The following SPTLC1 variants were observed in gnomAD, a reference collection of about 807,000 sequenced individuals.
SPTLC1 encodes the protein serine palmitoyltransferase 1.
In SPTLC1, 55 loss-of-function variants were observed where a neutral mutation model predicts 68.9. That is an observed-to-expected ratio of 0.80 (90% CI 0.64 to 1.00). The LOEUF (loss-of-function observed/expected upper bound fraction) is 1.00. Ranked by LOEUF, SPTLC1 falls within the 50% of genes least tolerant of loss-of-function variation. The pLI is 0.00. For synonymous variants in SPTLC1, 197 were observed against 201.6 expected, an observed-to-expected ratio of 0.98 and a Z score of 0.19; for missense variants, 449 against 573.1, an observed-to-expected ratio of 0.78 and a Z score of 2.21.
intron 3 of SPTLC1, among the ~76,000 whole-genome samples, chr9:92,102,162 A>G (rs1250054875): frequency 1.3e-5 from 2 of 152,242 alleles, no homozygotes; most frequent in African/African-American, 4.8e-5. Flanking sequence ...ATCAGTCAGC[A>G]AAGAGTACTG....
At chr9:92,071,086 T>TA (rs796078125) in intron 5 of SPTLC1, among the ~76,000 whole-genome samples, 250 of 143,298 alleles carry the variant, frequency 1.7e-3, no homozygotes, top group Middle Eastern at 3.5e-3. Flanking sequence ...ATACTGTCCT[T>TA]AAAAAAAAAA....
At chr9:92,052,371 C>A (rs1833728336) in intron 8 of SPTLC1, among the ~76,000 whole-genome samples, 1 of 152,088 alleles carries the variant, frequency 6.6e-6, no homozygotes, top group Admixed American at 6.5e-5. Context: ...AACTGGATAA[C>A]CACTTGTGAA....
chr9:92,047,205 T>A lies in SPTLC1; in HGVS notation c.1048A>T (p.Ile350Phe), dbSNP rs1259881836. ...TCTTCCATGATGTTGAGGGCCTCAA[T>A]TGCTGCAGCAGCTAACAGGGGAGGT... is the stretch of plus-strand genomic sequence containing the variant. Reference protein sequence around the residue: ...SLPPLLAAAAIEALNIMEENP... With the variant: ...SLPPLLAAAAFEALNIMEENP... Residue 350 changes from isoleucine (I) to phenylalanine (F), a missense_variant, in exon 11 of 15, where the codon ATT (isoleucine) becomes TTT (phenylalanine). Ile to Phe is a conservative substitution (Grantham distance 21, BLOSUM62 0). Transcript: ENST00000262554. 6.2e-7 allele frequency: 1 copy of A among 1,614,006 alleles called. No individual in the cohort carries two copies. Among genetic ancestry groups the A allele is most frequent in the Non-Finnish European group, 8.5e-7 (1 of 1,179,980 alleles).
At chr9:92,032,673 G>A (rs866288478) in intron 14 of SPTLC1, 115 bp from the exon 15 acceptor site, 45 of 1,352,560 alleles carry the variant, frequency 3.3e-5, no homozygotes, top group Middle Eastern at 2.4e-4. Context: ...TCAGGAGATC[G>A]AGACCATCCT....
intron 6 of SPTLC1, among the ~76,000 whole-genome samples, chr9:92,060,356 T>C (rs1834045728): frequency 6.6e-6 from 1 of 152,092 alleles, no homozygotes; most frequent in Non-Finnish European, 1.5e-5. Flanking sequence ...AATAGTGAGA[T>C]GACAGAGATA....
chr9:92,080,037 T>C lies in SPTLC1; in HGVS notation c.406A>G (p.Arg136Gly). Residue 136 changes from arginine to glycine, a missense_variant, in exon 5 of 15, where the codon AGA (arginine) becomes GGA (glycine). Around this residue, in one of 3 missense-constraint regions of SPTLC1, gnomAD observed 391 missense variants for 472.1 expected, o/e 0.83. Transcript: ENST00000262554. ...TTACCAAATGTGCCATAAAATCCTC[T>C]GGGTCCACAAGTCCCCACGCCATAC... ...KKYGVGTCGP[R>G]GFYGTFDVHL... 6 of 1,614,104 alleles carry C rather than the reference T, an allele frequency of 3.7e-6. No individual in the cohort carries two copies. Among genetic ancestry groups the C allele is most frequent in the Non-Finnish European group, 5.1e-6 (6 of 1,179,940 alleles).
At chr9:92,070,403 G>C (rs1304963327) in intron 5 of SPTLC1, 1 of 152,196 alleles carries the variant, frequency 6.6e-6, no homozygotes, top group Non-Finnish European at 1.5e-5. Flanking sequence ...ACTAACTGGA[G>C]CTGTAGATTT....
At chr9:92,054,254 C>T (rs1008774126) in intron 8 of SPTLC1, among the ~76,000 whole-genome samples, 10 of 152,138 alleles carry the variant, frequency 6.6e-5, no homozygotes, top group African/African-American at 2.4e-4. Flanking sequence ...GCACTCCAGC[C>T]TGGGCAACAT....
At chr9:92,038,074 G>A (rs1382887648) in intron 13 of SPTLC1, among the ~76,000 whole-genome samples, 174 bp downstream of exon 13, 1 of 152,178 alleles carries the variant, frequency 6.6e-6, no homozygotes, top group Non-Finnish European at 1.5e-5. Flanking sequence ...CCAGAAGCTA[G>A]GAAGGACCTG....
chr9:92,063,274 T>C (rs971479364), intron 6 of SPTLC1, among the ~76,000 whole-genome samples: 2 of 152,118 alleles, frequency 1.3e-5, no homozygotes, highest in Non-Finnish European at 2.9e-5. Context: ...TTTTAAGAAA[T>C]GGACCAATTC....
At chr9:92,035,294 GACC>G (rs1833105933) in intron 13 of SPTLC1, among the ~76,000 whole-genome samples, 1 of 152,182 alleles carries the variant, frequency 6.6e-6, no homozygotes, top group African/African-American at 2.4e-5. Context: ...CTGGACTTAT[GACC>G]ACCACCACCA....
intron 2 of SPTLC1, 71 bp downstream of exon 2, chr9:92,112,384 A>G: frequency 8.9e-7 from 1 of 1,126,256 alleles, no homozygotes; most frequent in Non-Finnish European, 1.3e-6. Flanking sequence ...AGCCACCACA[A>G]ATCCTTTCTG....
chr9:92,041,124 C>T (rs1286950325), intron 12 of SPTLC1, among the ~76,000 whole-genome samples: 2 of 152,140 alleles, frequency 1.3e-5, no homozygotes, highest in Non-Finnish European at 2.9e-5. Context: ...ATAGGGAGAA[C>T]CTGACACCAA....
At chr9:92,038,436 G>C in intron 12 of SPTLC1, 71 bp from the exon 13 acceptor site, 1 of 988,528 alleles carries the variant, frequency 1.0e-6, no homozygotes, top group Non-Finnish European at 1.6e-6. Context: ...GAGAAATAAT[G>C]TTAGAAGTCC....
At chr9:92,078,315 C>T (rs1834757073) in intron 5 of SPTLC1, among the ~76,000 whole-genome samples, 1 of 152,160 alleles carries the variant, frequency 6.6e-6, no homozygotes, top group African/African-American at 2.4e-5. Context: ...TTTTCTAATA[C>T]CTGCCAAGAA....
intron 12 of SPTLC1, among the ~76,000 whole-genome samples, chr9:92,040,409 C>A (rs572865372): frequency 7.9e-5 from 12 of 151,814 alleles, no homozygotes; most frequent in East Asian, 1.9e-4. Flanking sequence ...ACAAAAAAAA[C>A]AACAAAAAAA....
rs1356754181 is a variant in SPTLC1 at position 92,041,196 on chromosome 9, C to A, written c.1137-2831G>T. Among the ~76,000 whole-genome samples, 3 of 152,054 alleles carry A rather than the reference C, an allele frequency of 2.0e-5. No individual in the cohort carries two copies. In the East Asian group the frequency reaches 5.8e-4, roughly 29 times the overall value. ...AGCATAGGATGTTGACTTCCTTTCC[C>A]AAACTCAATCTCAGAGATGAGAGAA... On this transcript the variant is annotated intron_variant, in intron 12 of 14. Transcript: ENST00000262554.
chr9:92,034,298 C>A (rs533757490), intron 14 of SPTLC1, among the ~76,000 whole-genome samples: 1 of 152,368 alleles, frequency 6.6e-6, no homozygotes, highest in Admixed American at 6.5e-5. Flanking sequence ...TGAACAGAAT[C>A]CAGTCTCCTT....
intron 8 of SPTLC1, 94 bp downstream of exon 8, chr9:92,055,311 A>T: frequency 6.3e-7 from 1 of 1,581,790 alleles, no homozygotes. Flanking sequence ...GCGCAAAGCA[A>T]CGCAGACGTT....
Sources: allele counts gnomAD v4.1 joint callset (sites outside exome capture counted in the v4.1 genomes callset), GRCh38; gene constraint gnomAD v4.1.1; regional missense constraint gnomAD v4.1.1; transcripts MANE v1.5; gene names NCBI Gene and HGNC (gene_info 2026-07-23, HGNC 2026-07-21).